The following TMEM178B variants were observed in gnomAD, a reference collection of about 807,000 sequenced individuals.
TMEM178B encodes transmembrane protein 178B.
In TMEM178B, 5 loss-of-function variants were observed where a neutral mutation model predicts 31.0. That is an observed-to-expected ratio of 0.16 (90% CI 0.08 to 0.34). The LOEUF is 0.34. Among genes scored for constraint, TMEM178B ranks in the 10% least tolerant of loss-of-function variants. The pLI is 1.00. For synonymous variants in TMEM178B, 164 were observed against 164.0 expected (o/e 1.00, Z 0.00); for missense variants, 275 against 400.3 (o/e 0.69, Z 2.67).
At chr7:141,305,881 C>T (rs1003030989) in intron 2 of TMEM178B, among the ~76,000 whole-genome samples, 1 of 152,148 alleles carries the variant, frequency 6.6e-6, no homozygotes, top group African/African-American at 2.4e-5. Context: ...TGCTGGTCAT[C>T]TAATTCCCAT....
intron 1 of TMEM178B, among the ~76,000 whole-genome samples, chr7:141,163,573 T>C (rs867156202): frequency 6.6e-6 from 1 of 150,754 alleles, no homozygotes; most frequent in African/African-American, 2.4e-5. Context: ...TGTGCAGTGG[T>C]GCAATCCTGG....
At chr7:141,416,870 A>T (rs1171275999) in intron 2 of TMEM178B, among the ~76,000 whole-genome samples, 1 of 152,202 alleles carries the variant, frequency 6.6e-6, no homozygotes, top group Non-Finnish European at 1.5e-5. Context: ...ACCCAACAGC[A>T]AAACACCGGC....
At chr7:141,313,885 T>G (rs1244893173) in intron 2 of TMEM178B, among the ~76,000 whole-genome samples, 2 of 152,116 alleles carry the variant, frequency 1.3e-5, no homozygotes, top group African/African-American at 4.8e-5. Flanking sequence ...ACCCCCCTGA[T>G]GAGACCAAGA....
At chr7:141,418,424 C>T (rs1214332668) in intron 2 of TMEM178B, among the ~76,000 whole-genome samples, 1 of 152,156 alleles carries the variant, frequency 6.6e-6, no homozygotes, top group Non-Finnish European at 1.5e-5. Flanking sequence ...GTAGTAGAAA[C>T]CATGCTTCCT....
At chr7:141,195,071 T>C (rs1404787019) in intron 1 of TMEM178B, among the ~76,000 whole-genome samples, 1 of 152,196 alleles carries the variant, frequency 6.6e-6, no homozygotes, top group East Asian at 1.9e-4. Context: ...TTCTTGGGCC[T>C]CCAGGCCTGT....
chr7:141,335,605 T>C (rs1208486211), intron 2 of TMEM178B, among the ~76,000 whole-genome samples: 2 of 152,144 alleles, frequency 1.3e-5, no homozygotes, highest in African/African-American at 4.8e-5. Context: ...ACAGTAACAG[T>C]ACAGTGCACA....
chr7:141,314,167 CCTT>C (rs1237597970), intron 2 of TMEM178B, among the ~76,000 whole-genome samples: 2 of 152,206 alleles, frequency 1.3e-5, no homozygotes, highest in Non-Finnish European at 2.9e-5. Context: ...TCATCTCTCT[CCTT>C]CTTGGGAACG....
At chr7:141,310,596 G>C (rs950993302) in intron 2 of TMEM178B, among the ~76,000 whole-genome samples, 1 of 152,052 alleles carries the variant, frequency 6.6e-6, no homozygotes, top group Non-Finnish European at 1.5e-5. Context: ...CCTTCAACAG[G>C]CCCTGGTGTG....
chr7:141,157,911 C>T (rs1234119811), intron 1 of TMEM178B, among the ~76,000 whole-genome samples: 1 of 152,150 alleles, frequency 6.6e-6, no homozygotes, highest in Admixed American at 6.5e-5. Flanking sequence ...CTACTGTTCC[C>T]CGCCTCTGTG....
At chr7:141,261,804 C>T (rs1158194363) in intron 2 of TMEM178B, among the ~76,000 whole-genome samples, 1 of 152,072 alleles carries the variant, frequency 6.6e-6, no homozygotes, top group Non-Finnish European at 1.5e-5. Context: ...TGCCTTTAAC[C>T]CCTGCATGCA....
At chr7:141,148,524 A>ATTGGTCAGGAGGGAT (rs1795897373) in intron 1 of TMEM178B, among the ~76,000 whole-genome samples, 1 of 152,202 alleles carries the variant, frequency 6.6e-6, no homozygotes, top group African/African-American at 2.4e-5. Flanking sequence ...ATGGGAGGAG[A>ATTGGTCAGGAGGGAT]TGGTCAAGAA....
At chr7:141,172,769 G>C (rs1317298692) in intron 1 of TMEM178B, among the ~76,000 whole-genome samples, 3 of 152,188 alleles carry the variant, frequency 2.0e-5, no homozygotes, top group Non-Finnish European at 4.4e-5. Context: ...CTAGTCTGCT[G>C]TACTTAATTT....
chr7:141,231,089 A>C (rs1202286808), intron 2 of TMEM178B, among the ~76,000 whole-genome samples: 1 of 152,178 alleles, frequency 6.6e-6, no homozygotes, highest in Non-Finnish European at 1.5e-5. Flanking sequence ...GTTCAGGAAC[A>C]TTTGGGATTT....
At chr7:141,450,876 A>G (rs915882116) in intron 3 of TMEM178B, among the ~76,000 whole-genome samples, 6 of 152,238 alleles carry the variant, frequency 3.9e-5, no homozygotes, top group African/African-American at 1.4e-4. Flanking sequence ...CATGCAGTTA[A>G]GTAAATGATG....
At chr7:141,103,316 T>A (rs918350633) in intron 1 of TMEM178B, among the ~76,000 whole-genome samples, 2 of 152,104 alleles carry the variant, frequency 1.3e-5, no homozygotes, top group Admixed American at 6.5e-5. Flanking sequence ...TCAGGCTGAG[T>A]TGAGAGTATA....
rs1298193702 is a variant in TMEM178B at position 141,472,633 on chromosome 7, GC to G, written c.*1848del. 2.0e-5 allele frequency: 3 copies of G among 152,190 alleles called. No homozygotes were observed. The highest frequency in any genetic ancestry group is 1.5e-5 in the Non-Finnish European group (1 of 68,048). The allele number at this position is 152,190 out of a possible 1,614,324, so 9.4% of individuals were successfully genotyped here. On this transcript the variant is annotated 3_prime_UTR_variant, in exon 4 of 4. Coordinates refer to ENST00000565468, the MANE Select transcript of TMEM178B (RefSeq NM_001195278.2). ...TTTCATAAACAAATATGCTTTGGGA[GC>G]TTTGCCAGGCACTCAGCAGCCTTTC...
chr7:141,311,000 G>A (rs184386928), intron 2 of TMEM178B, among the ~76,000 whole-genome samples: 1 of 152,180 alleles, frequency 6.6e-6, no homozygotes, highest in African/African-American at 2.4e-5. Context: ...CCTTTGCAGG[G>A]ACATAGATGA....
intron 1 of TMEM178B, among the ~76,000 whole-genome samples, chr7:141,153,969 T>TA (rs1216044591): frequency 6.6e-6 from 1 of 152,230 alleles, no homozygotes; most frequent in African/African-American, 2.4e-5. Flanking sequence ...CACCTTCATT[T>TA]AAAAAAATCA....
chr7:141,325,352 ACTT>A (rs547039141), intron 2 of TMEM178B, among the ~76,000 whole-genome samples: 70 of 152,090 alleles, frequency 4.6e-4, no homozygotes, highest in African/African-American at 1.5e-3. Flanking sequence ...GAGGAAGAAA[ACTT>A]CTGCATTTCT....
Sources: gnomAD v4.1 joint callset for allele counts (sites outside exome capture counted in the v4.1 genomes callset) on GRCh38, gnomAD v4.1.1 for gene constraint, MANE v1.5 for transcripts, NCBI Gene and HGNC (gene_info 2026-07-23, HGNC 2026-07-21) for gene names.